The following SMOC2 variants were observed in gnomAD, a reference collection of about 807,000 sequenced individuals.
SMOC2 encodes the protein SPARC related modular calcium binding 2.
SMOC2 carries 39 observed loss-of-function variants against 61.4 expected under a neutral mutation model. That is an observed-to-expected ratio of 0.64 (90% confidence interval 0.49 to 0.83). The LOEUF (loss-of-function observed/expected upper bound fraction) is 0.83. Among genes scored for constraint, SMOC2 ranks in the 40% least tolerant of loss-of-function variants. The pLI is 0.00. For synonymous variants in SMOC2, 247 were observed against 239.9 expected, an observed-to-expected ratio of 1.03 and a Z score of -0.27; for missense variants, 556 against 592.9, an observed-to-expected ratio of 0.94 and a Z score of 0.65.
intron 7 of SMOC2, among the ~76,000 whole-genome samples, chr6:168,577,794 A>T (rs1784841331): frequency 6.6e-6 from 1 of 152,242 alleles, no homozygotes; most frequent in African/African-American, 2.4e-5. Flanking sequence ...GTGACGAGAC[A>T]GCAACGCATG....
At chr6:168,484,288 AT>A (rs202204814) in intron 1 of SMOC2, among the ~76,000 whole-genome samples, 1 of 152,130 alleles carries the variant, frequency 6.6e-6, no homozygotes. Context: ...TTGAATGGAC[AT>A]TTTTTTTAAA....
intron 7 of SMOC2, among the ~76,000 whole-genome samples, chr6:168,581,163 A>G (rs55882007): frequency 0.27 from 41,185 of 152,140 alleles, 5,675 homozygotes; most frequent in Middle Eastern, 0.41. Flanking sequence ...CCCTGTCTAG[A>G]AAATCAAATA....
Position 168,612,443 on chromosome 6 carries a change from C to T in SMOC2, c.907+4204C>T, listed in dbSNP as rs551771654. Among the ~76,000 whole-genome samples the T allele has an allele frequency of 1.2e-4, 17 of 144,488 alleles. 2 individuals are homozygous for T. Among genetic ancestry groups the T allele is most frequent in the African/African-American group, 4.2e-4 (16 of 38,524 alleles). The allele number at this position is 144,488 out of a possible 152,430, so 94.8% of individuals were successfully genotyped here. The stretch of plus-strand genomic sequence containing the variant: ...TTTACCTGAAGAGCAGTGCTGGGTT[C>T]GTGATCTCCATCGGGGAGAGGGTGA... On this transcript the variant is annotated intron_variant, in intron 9 of 12. Transcript: ENST00000356284.
At chr6:168,568,331 A>G (rs1054868318) in intron 7 of SMOC2, among the ~76,000 whole-genome samples, 2 of 152,218 alleles carry the variant, frequency 1.3e-5, no homozygotes, top group Non-Finnish European at 2.9e-5. Context: ...TTACTTTTAG[A>G]GAAAAAAATT....
chr6:168,567,206 A>T (rs900357563), intron 7 of SMOC2, among the ~76,000 whole-genome samples: 11 of 152,200 alleles, frequency 7.2e-5, no homozygotes, highest in African/African-American at 2.4e-4. Context: ...AAATGAGAAA[A>T]TTTTCTTAAA....
rs559904098 is a variant in SMOC2, at chr6:168,546,958, C to T, written c.512-161C>T. ...TCAAGACTGGTATAGTCATTCCAGC[C>T]GCAGCTGCAGGCAGCATCGCGTTGG... On this transcript the variant is annotated intron_variant, in intron 5 of 12. Coordinates refer to ENST00000356284, the MANE Select transcript of SMOC2 (RefSeq NM_001166412.2). 33 of 814,588 alleles carry T rather than the reference C, an allele frequency of 4.1e-5. 1 individual carries two copies. The highest frequency in any genetic ancestry group is 2.3e-4 in the Middle Eastern group (1 of 4,394). The allele number at this position is 814,588 out of a possible 1,614,324, so 50.5% of individuals were successfully genotyped here.
At chr6:168,597,705 G>T (rs1200264875) in intron 7 of SMOC2, among the ~76,000 whole-genome samples, 1 of 152,182 alleles carries the variant, frequency 6.6e-6, no homozygotes, top group Non-Finnish European at 1.5e-5. Context: ...GGAGAGATTC[G>T]TGACGTCCCA....
At chr6:168,603,818 C>T (rs1785619859) in intron 8 of SMOC2, among the ~76,000 whole-genome samples, 1 of 152,116 alleles carries the variant, frequency 6.6e-6, no homozygotes, top group African/African-American at 2.4e-5. Flanking sequence ...GTCAAGACCT[C>T]AAGAAGCAAG....
At chr6:168,518,443 G>A (rs2115062347) in intron 2 of SMOC2, among the ~76,000 whole-genome samples, 1 of 147,408 alleles carries the variant, frequency 6.8e-6, no homozygotes, top group East Asian at 2.0e-4. Flanking sequence ...GTGTGACTGT[G>A]AATGTGTGAA....
chr6:168,546,994 G>C (rs1427087147), intron 5 of SMOC2, 125 bp from the exon 6 acceptor site: 5 of 1,116,040 alleles, frequency 4.5e-6, no homozygotes, highest in Non-Finnish European at 6.8e-6. Context: ...GTCTGTGTGG[G>C]GTTGCTGTTG....
intron 11 of SMOC2, among the ~76,000 whole-genome samples, chr6:168,662,114 G>A (rs1787523942): frequency 6.6e-6 from 1 of 152,156 alleles, no homozygotes; most frequent in Admixed American, 6.5e-5. Context: ...CAAGGAATAT[G>A]GGATGAAGGA....
chr6:168,558,955 A>G (rs556792305), intron 7 of SMOC2, among the ~76,000 whole-genome samples: 5 of 152,054 alleles, frequency 3.3e-5, no homozygotes, highest in African/African-American at 4.8e-5. Context: ...ATGCGTGTGC[A>G]TGTGTGTGTA....
intron 11 of SMOC2, chr6:168,655,423 A>T (rs1162647591): frequency 6.6e-6 from 3 of 456,432 alleles, no homozygotes; most frequent in Non-Finnish European, 8.8e-6. Context: ...TGATGGCCAG[A>T]GCCCAGATGT....
chr6:168,637,295 C>T (rs1019570613), intron 9 of SMOC2, among the ~76,000 whole-genome samples: 2 of 152,066 alleles, frequency 1.3e-5, no homozygotes, highest in Admixed American at 6.6e-5. Flanking sequence ...AGGGTGGCCG[C>T]GGCCTTCTTG....
Position 168,666,532 on chromosome 6 carries a change from T to G in SMOC2, c.*94T>G, listed in dbSNP as rs1787667032. Reference sequence around the variant, plus strand: ...AACAAAAACAGAAACACATAGTATTTGCACTTTGTACTTTAAATGTAAATT... The same window carrying G: ...AACAAAAACAGAAACACATAGTATTGGCACTTTGTACTTTAAATGTAAATT... On this transcript the variant is annotated 3_prime_UTR_variant, in exon 13 of 13. Transcript: ENST00000356284. 7.6e-7 allele frequency: 1 copy of G among 1,317,778 alleles called. No individual in the cohort carries two copies. Among genetic ancestry groups the G allele is most frequent in the Non-Finnish European group, 1.1e-6 (1 of 917,506 alleles). The allele number at this position is 1,317,778 out of a possible 1,614,324, so 81.6% of individuals were successfully genotyped here.
intron 2 of SMOC2, among the ~76,000 whole-genome samples, chr6:168,520,161 CT>C (rs1562567780): frequency 6.6e-6 from 1 of 152,152 alleles, no homozygotes; most frequent in Non-Finnish European, 1.5e-5. Context: ...TATCACAGCA[CT>C]TTCATCTATA....
intron 9 of SMOC2, among the ~76,000 whole-genome samples, chr6:168,629,444 C>G (rs911605163): frequency 2.6e-5 from 4 of 152,370 alleles, no homozygotes; most frequent in Non-Finnish European, 4.4e-5. Flanking sequence ...CCTGTCGCCA[C>G]AGGACAGGCT....
intron 4 of SMOC2, among the ~76,000 whole-genome samples, chr6:168,537,471 G>A (rs1008410198): frequency 2.6e-5 from 4 of 152,216 alleles, no homozygotes; most frequent in Admixed American, 6.5e-5. Context: ...AGGGAGAGCA[G>A]TGTCTGTCCT....
chr6:168,585,755 G>A (rs1785033443), intron 7 of SMOC2, among the ~76,000 whole-genome samples: 1 of 152,240 alleles, frequency 6.6e-6, no homozygotes, highest in Non-Finnish European at 1.5e-5. Flanking sequence ...GATGACGGAT[G>A]ATGTTGGACA....
Sources: gnomAD v4.1 joint callset for allele counts (sites outside exome capture counted in the v4.1 genomes callset) on GRCh38, gnomAD v4.1.1 for gene constraint, MANE v1.5 for transcripts, NCBI Gene and HGNC (gene_info 2026-07-23, HGNC 2026-07-21) for gene names.